The following TIAM1 variants were observed in gnomAD, a reference collection of about 807,000 sequenced individuals.
TIAM1 encodes TIAM Rac1 associated GEF 1.
A neutral mutation model predicts 163.5 loss-of-function variants in TIAM1; 65 were observed. That is an observed-to-expected ratio of 0.40 (90% CI 0.33 to 0.49). The LOEUF (loss-of-function observed/expected upper bound fraction) is 0.49, where lower values mean the gene tolerates loss of function less well. Among genes scored for constraint, TIAM1 ranks in the 20% least tolerant of loss-of-function variants. TIAM1 has a pLI of 0.77. For synonymous variants in TIAM1, 833 were observed against 810.1 expected (o/e 1.03, Z -0.48); for missense variants, 1,789 against 2,044.7 (o/e 0.87, Z 2.41).
intron 1 of TIAM1, among the ~76,000 whole-genome samples, chr21:31,492,145 A>C (rs917643375): frequency 6.6e-6 from 1 of 152,234 alleles, no homozygotes; most frequent in African/African-American, 2.4e-5. Flanking sequence ...GAGGAAAATG[A>C]ATCTCAAGAC....
intron 1 of TIAM1, among the ~76,000 whole-genome samples, chr21:31,468,992 TCTCTCGA>T (rs2045637943): frequency 6.6e-6 from 1 of 151,038 alleles, no homozygotes; most frequent in African/African-American, 2.4e-5. Context: ...CACCTGGAGG[TCTCTCGA>T]TCACAAGTCC....
chr21:31,210,729 GA>G (rs56173005), intron 10 of TIAM1, among the ~76,000 whole-genome samples: 3 of 90,818 alleles, frequency 3.3e-5, no homozygotes, highest in African/African-American at 2.0e-4. Flanking sequence ...AAGAAAGAAA[GA>G]GAAAGAAGGA....
At chr21:31,500,003 C>T (rs910100573) in intron 1 of TIAM1, among the ~76,000 whole-genome samples, 1 of 151,758 alleles carries the variant, frequency 6.6e-6, no homozygotes, top group African/African-American at 2.4e-5. Flanking sequence ...CCTGTCTCCA[C>T]TAAAATACAA....
intron 1 of TIAM1, among the ~76,000 whole-genome samples, chr21:31,476,294 C>T (rs781669027): frequency 3.9e-5 from 6 of 152,176 alleles, no homozygotes; most frequent in South Asian, 4.1e-4. Flanking sequence ...GCCATTTTCA[C>T]GATTTACACC....
chr21:31,135,951 G>T lies in TIAM1; in HGVS notation c.3865C>A (p.Pro1289Thr). Residue 1289 changes from proline to threonine, a missense_variant, in exon 23 of 28, where the codon CCA becomes ACA. Coordinates refer to ENST00000541036, the MANE Select transcript of TIAM1 (RefSeq NM_001353694.2). ...PASLGKWKKEPELAAFVFKTA... is the reference protein window; with the variant it reads ...PASLGKWKKETELAAFVFKTA... The stretch of plus-strand genomic sequence containing the variant: ...TACACACCGAATGCTGCCAACTCTG[G>T]TTCCTTTTTCCACTTGCCCAGCGAG... 6.2e-7 allele frequency: 1 copy of T among 1,614,150 alleles called. No homozygotes were observed. Among genetic ancestry groups the T allele is most frequent in the Non-Finnish European group, 8.5e-7 (1 of 1,180,026 alleles).
intron 2 of TIAM1, among the ~76,000 whole-genome samples, chr21:31,321,340 G>A (rs1018111577): frequency 1.3e-4 from 4 of 30,748 alleles, no homozygotes; most frequent in Non-Finnish European, 2.1e-4. Context: ...TCTACTGTTT[G>A]TTTGTTTGTT....
intron 1 of TIAM1, among the ~76,000 whole-genome samples, chr21:31,505,218 T>C (rs910753398): frequency 2.0e-5 from 3 of 152,070 alleles, no homozygotes; most frequent in Non-Finnish European, 2.9e-5. Flanking sequence ...ACCTACAAGA[T>C]AGAGATCGTG....
chr21:31,330,162 C>T (rs575518585), intron 2 of TIAM1, among the ~76,000 whole-genome samples: 131 of 152,288 alleles, frequency 8.6e-4, no homozygotes, highest in Admixed American at 3.3e-3. Context: ...AGTTTCACCA[C>T]CCTGGGAGCA....
intron 2 of TIAM1, among the ~76,000 whole-genome samples, chr21:31,401,162 G>A (rs140437892): frequency 6.6e-6 from 1 of 152,260 alleles, no homozygotes; most frequent in Non-Finnish European, 1.5e-5. Context: ...AAGTAAACAA[G>A]TGCATATGAA....
At chr21:31,164,369 G>A (rs776324202) in intron 16 of TIAM1, among the ~76,000 whole-genome samples, 6 of 144,888 alleles carry the variant, frequency 4.1e-5, no homozygotes, top group Admixed American at 1.4e-4. Context: ...TAGCCTGGGC[G>A]ACAGAGCGAG....
intron 2 of TIAM1, among the ~76,000 whole-genome samples, chr21:31,402,501 C>T (rs769694779): frequency 6.6e-6 from 1 of 152,112 alleles, no homozygotes; most frequent in Non-Finnish European, 1.5e-5. Context: ...TTACAAGGCC[C>T]GCACAACCCT....
At chr21:31,426,139 G>A (rs8131036) in intron 2 of TIAM1, among the ~76,000 whole-genome samples, 5,976 of 152,146 alleles carry the variant, frequency 0.039, 388 homozygotes, top group African/African-American at 0.13. Context: ...AGTGTACACT[G>A]TACCCAGTAT....
intron 2 of TIAM1, among the ~76,000 whole-genome samples, chr21:31,388,103 G>T (rs568904932): frequency 2.0e-5 from 3 of 147,748 alleles, no homozygotes; most frequent in South Asian, 4.5e-4. Context: ...CCTAGCAGAC[G>T]CCGCAAAAAG....
At chr21:31,303,554 A>C (rs2074582375) in intron 2 of TIAM1, among the ~76,000 whole-genome samples, 1 of 151,532 alleles carries the variant, frequency 6.6e-6, no homozygotes, top group Admixed American at 6.6e-5. Flanking sequence ...ATAACTTTTG[A>C]ACTTAAACCT....
Position 31,185,480 on chromosome 21 carries a change from ATATT to A in TIAM1, c.2662+1517_2662+1520del, listed in dbSNP as rs1179085114. Among the ~76,000 whole-genome samples the A allele has an allele frequency of 9.0e-5, 13 of 143,900 alleles. No individual in the cohort carries two copies. The South Asian group carries it at 2.8e-3, about 30-fold the overall frequency. The allele number at this position is 143,900 out of a possible 152,430, so 94.4% of individuals were successfully genotyped here. ...ATTATATAATGTATTAATATATTCTATATTTATATATTATATGCTTATATATTTA... is the reference window on the plus strand; with the variant it reads ...ATTATATAATGTATTAATATATTCTATATATATTATATGCTTATATATTTA... On this transcript the variant is annotated intron_variant, in intron 14 of 27. Transcript: ENST00000541036.
At chr21:31,260,223 T>A (rs1285525518) in intron 4 of TIAM1, among the ~76,000 whole-genome samples, 1 of 146,454 alleles carries the variant, frequency 6.8e-6, no homozygotes, top group Non-Finnish European at 1.5e-5. Flanking sequence ...ATTAATAAAA[T>A]ATATATATAC....
At position 31,266,384 on chromosome 21, in the gene TIAM1, C is replaced by G. The variant is rs867996590; in HGVS notation, c.589G>C (p.Glu197Gln). ...DLSQEHLTSN[E>Q]EILGSAEEKD... Reference sequence around the variant, plus strand: ...TCTTCGGCGGAACCCAAGATTTCTTCGTTGCTTGTTAAATGTTCTTGGCTC... The same window carrying G: ...TCTTCGGCGGAACCCAAGATTTCTTGGTTGCTTGTTAAATGTTCTTGGCTC... The change falls in exon 4 of 28, where the codon GAA (glutamate) becomes CAA (glutamine). Residue 197 changes from glutamate (E) to glutamine (Q), a missense_variant. Transcript: ENST00000541036. The G allele has an allele frequency of 1.2e-6, 2 of 1,614,228 alleles. No homozygotes were observed. Among genetic ancestry groups the G allele is most frequent in the Admixed American group, 3.3e-5 (2 of 60,020 alleles).
At chr21:31,542,426 C>CAAAAA (rs60986228) in intron 1 of TIAM1, among the ~76,000 whole-genome samples, 1 of 145,506 alleles carries the variant, frequency 6.9e-6, no homozygotes, top group African/African-American at 2.6e-5. Context: ...GACTCCGTCT[C>CAAAAA]AAAAAAAAAG....
chr21:31,497,434 T>C (rs1485715501), intron 1 of TIAM1, among the ~76,000 whole-genome samples: 1 of 152,172 alleles, frequency 6.6e-6, no homozygotes, highest in East Asian at 1.9e-4. Flanking sequence ...ATGTATGGAA[T>C]ATCACCATTC....
Sources: gnomAD v4.1 joint callset for allele counts (sites outside exome capture counted in the v4.1 genomes callset) on GRCh38, gnomAD v4.1.1 for gene constraint, MANE v1.5 for transcripts, NCBI Gene and HGNC (gene_info 2026-07-23, HGNC 2026-07-21) for gene names.